The following ZFP69 variants were observed in gnomAD, a reference collection of about 807,000 sequenced individuals.
The protein encoded by ZFP69 is ZFP69 zinc finger protein.
Under a neutral mutation model 48.9 loss-of-function variants are expected in ZFP69, and 35 were observed. The ratio of observed to expected loss-of-function variants is 0.72; its 90% CI spans 0.55 to 0.95. The LOEUF is 0.95. Among genes scored for constraint, ZFP69 ranks in the 40% least tolerant of loss-of-function variants. The pLI is 0.00. For synonymous variants in ZFP69, 193 were observed against 216.8 expected, an observed-to-expected ratio of 0.89 and a Z score of 0.96; for missense variants, 557 against 638.4, an observed-to-expected ratio of 0.87 and a Z score of 1.37.
chr1:40,486,348 C>A (rs1400441238), intron 3 of ZFP69, among the ~76,000 whole-genome samples: 1 of 151,918 alleles, frequency 6.6e-6, no homozygotes, highest in Non-Finnish European at 1.5e-5. Context: ...TCTACCTATT[C>A]CCTCTTCTGA....
At chr1:40,480,821 G>A (rs1050351620) in intron 2 of ZFP69, among the ~76,000 whole-genome samples, 16 of 152,164 alleles carry the variant, frequency 1.1e-4, no homozygotes, top group Admixed American at 6.5e-5. Flanking sequence ...TAATCATAAT[G>A]TGTGCAAATT....
chr1:40,482,198 T>C (rs1159428197), intron 3 of ZFP69, among the ~76,000 whole-genome samples: 1 of 151,978 alleles, frequency 6.6e-6, no homozygotes, highest in Non-Finnish European at 1.5e-5. Context: ...CTCAATGAAA[T>C]ACTCAAAATC....
At chr1:40,479,579 G>C in intron 2 of ZFP69, 91 bp downstream of exon 2, 2 of 1,431,478 alleles carry the variant, frequency 1.4e-6, no homozygotes, top group Non-Finnish European at 1.9e-6. Flanking sequence ...GAGAAGGAGG[G>C]AGAGAAGGTC....
rs200740175 is a variant in ZFP69, at chr1:40,495,216, T to G, written c.738T>G (p.Asp246Glu). The G allele has an allele frequency of 5.6e-6, 9 of 1,614,022 alleles. 1 individual carries two copies. In the South Asian group the frequency reaches 6.6e-5, roughly 12 times the overall value. Residue 246 changes from aspartate (D) to glutamate (E), a missense_variant, in exon 6 of 6, where the codon GAT becomes GAG. Coordinates refer to ENST00000372706, the MANE Select transcript of ZFP69 (RefSeq NM_001320179.2). ...TTGAACAGAGGCACCATAAATATGA[T>G]ACACCTACAAAGCGGAACACATACA... The part of the protein sequence containing the change: ...VIIEQRHHKY[D>E]TPTKRNTYKL...
intron 5 of ZFP69, 38 bp downstream of exon 5, chr1:40,489,662 T>C: frequency 1.4e-6 from 2 of 1,439,450 alleles, no homozygotes; most frequent in Non-Finnish European, 1.9e-6. Flanking sequence ...TGTGTTGCTA[T>C]AAAGGAATAC....
chr1:40,492,953 C>T (rs760042661), intron 5 of ZFP69, among the ~76,000 whole-genome samples: 3 of 152,060 alleles, frequency 2.0e-5, no homozygotes, highest in Admixed American at 6.5e-5. Context: ...TGGCCAGGTG[C>T]GGTGGCTCAT....
intron 3 of ZFP69, among the ~76,000 whole-genome samples, chr1:40,486,430 C>T (rs1645498681): frequency 7.1e-6 from 1 of 141,824 alleles, no homozygotes; most frequent in African/African-American, 2.6e-5. Context: ...CCCTTCCTTC[C>T]TTCCTTCCCT....
intron 4 of ZFP69, 131 bp from the exon 5 acceptor site, chr1:40,489,398 C>T: frequency 7.2e-6 from 8 of 1,113,710 alleles, no homozygotes; most frequent in Non-Finnish European, 1.0e-5. Flanking sequence ...CTTTACTACA[C>T]ATAGTTAGGA....
At chr1:40,484,343 G>C (rs527924106) in intron 3 of ZFP69, among the ~76,000 whole-genome samples, 1 of 151,576 alleles carries the variant, frequency 6.6e-6, no homozygotes. Flanking sequence ...GAGATTACAG[G>C]TGCCTGCCAC....
chr1:40,485,387 G>A (rs74068704), intron 3 of ZFP69, among the ~76,000 whole-genome samples: 8,754 of 151,940 alleles, frequency 0.058, 354 homozygotes, highest in African/African-American at 0.1. Flanking sequence ...AAAGACTTAC[G>A]TTATATTTTC....
In ZFP69 at chr1:40,479,255, G is replaced by C; in HGVS notation, c.-107G>C. On this transcript the variant is annotated 5_prime_UTR_variant, in exon 2 of 6. Coordinates refer to ENST00000372706, the MANE Select transcript of ZFP69 (RefSeq NM_001320179.2). The stretch of plus-strand genomic sequence containing the variant: ...TGCAGGGACACACCAGAGTCCTGAG[G>C]GCAGGTGATTGGAATCTGAGCAACA... 1 of 1,488,414 alleles carries C rather than the reference G, an allele frequency of 6.7e-7. No individual in the cohort carries two copies. The highest frequency in any genetic ancestry group is 9.3e-7 in the Non-Finnish European group (1 of 1,077,252). The allele number at this position is 1,488,414 out of a possible 1,614,324, so 92.2% of individuals were successfully genotyped here.
rs1645399105 is a variant in ZFP69 at position 40,477,388 on chromosome 1, C to G, written c.-833C>G. On this transcript the variant is annotated 5_prime_UTR_variant, in exon 1 of 6. Coordinates refer to ENST00000372706, the MANE Select transcript of ZFP69 (RefSeq NM_001320179.2). This position sits in a 1 kb window ranked among gnomAD's most constrained non-coding sequence, Gnocchi z 4.0. ...GCTGCAGCGAGAGCGGCCGGCGGTG[C>G]AAGCGGCCGGGAGGGCGCGGCCGGA... 1 of 152,304 alleles carries G rather than the reference C, an allele frequency of 6.6e-6. No homozygotes were observed. Among genetic ancestry groups the G allele is most frequent in the East Asian group, 1.9e-4 (1 of 5,168 alleles). 9.4% of individuals were successfully genotyped at this position (152,304 alleles called of 1,614,324 possible).
In ZFP69 at chr1:40,479,431, A is replaced by G. The variant is rs1645422053; in HGVS notation, c.70A>G (p.Lys24Glu). 1 of 1,614,038 alleles carries G rather than the reference A, an allele frequency of 6.2e-7. No homozygotes were observed. ...STWVKLQHPK[K>E]AVEGAPLWED... The stretch of plus-strand genomic sequence containing the variant: ...CTGGGTGAAGCTGCAACATCCAAAG[A>G]AGGCCGTGGAGGGGGCGCCCCTGTG... Residue 24 changes from lysine (K) to glutamate (E), a missense_variant, in exon 2 of 6, where the codon AAG (lysine) becomes GAG (glutamate). By Grantham distance (56) the Lys-to-Glu change is moderately conservative. Transcript: ENST00000372706.
intron 3 of ZFP69, among the ~76,000 whole-genome samples, chr1:40,484,556 A>G (rs1418006417): frequency 6.7e-6 from 1 of 149,370 alleles, no homozygotes; most frequent in East Asian, 2.0e-4. Flanking sequence ...GATGTCCTCT[A>G]ATGACTTTTA....
chr1:40,487,839 G>A (rs1645517745), intron 3 of ZFP69, among the ~76,000 whole-genome samples: 1 of 151,886 alleles, frequency 6.6e-6, no homozygotes, highest in Non-Finnish European at 1.5e-5. Flanking sequence ...CTGAGGCCAG[G>A]AGTTCGAGAC....
chr1:40,481,708 C>A, intron 2 of ZFP69, 55 bp from the exon 3 acceptor site: 1 of 1,447,460 alleles, frequency 6.9e-7, no homozygotes, highest in African/African-American at 1.4e-5. Context: ...CAGGCAATTT[C>A]TTTATTTGGG....
At chr1:40,494,255 AATTTTTTTTTTTTT>A (rs1350388426) in intron 5 of ZFP69, among the ~76,000 whole-genome samples, 2 of 123,856 alleles carry the variant, frequency 1.6e-5, no homozygotes, top group African/African-American at 3.2e-5. Flanking sequence ...AAAGATTCAA[AATTTTTTTTTTTTT>A]TTTTTTTTTT....
chr1:40,487,972 G>A (rs750325226), intron 3 of ZFP69, among the ~76,000 whole-genome samples: 14 of 151,368 alleles, frequency 9.2e-5, no homozygotes, highest in Admixed American at 5.9e-4. Context: ...ACTTGAACCC[G>A]GGAGGTGGCA....
At chr1:40,483,765 G>C (rs1645466571) in intron 3 of ZFP69, among the ~76,000 whole-genome samples, 1 of 152,064 alleles carries the variant, frequency 6.6e-6, no homozygotes, top group African/African-American at 2.4e-5. Flanking sequence ...CTTCTTATTT[G>C]AGGACACTGA....
Sources: allele counts gnomAD v4.1 joint callset (sites outside exome capture counted in the v4.1 genomes callset), GRCh38; gene constraint gnomAD v4.1.1; non-coding constraint Gnocchi (gnomAD v3.1); transcripts MANE v1.5; gene names NCBI Gene and HGNC (gene_info 2026-07-23, HGNC 2026-07-21).